The following ANO6 variants were observed in gnomAD, a reference collection of about 807,000 sequenced individuals.
The protein encoded by ANO6 is anoctamin 6.
In ANO6, 106 loss-of-function variants were observed where a neutral mutation model predicts 117.5. That is an observed-to-expected ratio of 0.90 (90% CI 0.77 to 1.06). ANO6 has a LOEUF of 1.06. Among genes scored for constraint, ANO6 ranks in the 50% least tolerant of loss-of-function variants. The pLI is 0.00. For missense variants in ANO6, 955 were observed against 1,121.1 expected, an observed-to-expected ratio of 0.85 and a Z score of 2.12; for synonymous variants, 367 against 385.1, an observed-to-expected ratio of 0.95 and a Z score of 0.55.
chr12:45,268,854 G>A (rs1938301360), intron 1 of ANO6, among the ~76,000 whole-genome samples: 1 of 152,196 alleles, frequency 6.6e-6, no homozygotes, highest in Non-Finnish European at 1.5e-5. Context: ...TTTAGCTAAG[G>A]AAAACAATTT....
intron 2 of ANO6, 104 bp from the exon 3 acceptor site, chr12:45,331,191 T>G: frequency 9.5e-7 from 1 of 1,049,250 alleles, no homozygotes; most frequent in East Asian, 2.6e-5. Flanking sequence ...AGTGGATGTA[T>G]TTCTCTTTCA....
chr12:45,370,000 T>A (rs1941782967), intron 9 of ANO6, among the ~76,000 whole-genome samples: 1 of 152,194 alleles, frequency 6.6e-6, no homozygotes, highest in Admixed American at 6.5e-5. Flanking sequence ...CCCCCAAAAT[T>A]CTAGTTGGTT....
At chr12:45,425,010 C>A (rs1029789135) in intron 19 of ANO6, among the ~76,000 whole-genome samples, 2 of 151,350 alleles carry the variant, frequency 1.3e-5, no homozygotes, top group African/African-American at 4.9e-5. Context: ...CCCTCAGTAA[C>A]CTCAAGGGTT....
At chr12:45,294,307 T>A (rs1939216577) in intron 1 of ANO6, among the ~76,000 whole-genome samples, 1 of 152,200 alleles carries the variant, frequency 6.6e-6, no homozygotes, top group African/African-American at 2.4e-5. Flanking sequence ...AGAATATTTA[T>A]TAATTTTCTA....
intron 1 of ANO6, among the ~76,000 whole-genome samples, chr12:45,259,938 A>T (rs1203815882): frequency 1.3e-5 from 2 of 152,188 alleles, no homozygotes; most frequent in Non-Finnish European, 2.9e-5. Flanking sequence ...TCATTCCTCC[A>T]TGGCGAGTAA....
chr12:45,274,344 G>T (rs1938481007), intron 1 of ANO6, among the ~76,000 whole-genome samples: 1 of 152,086 alleles, frequency 6.6e-6, no homozygotes, highest in Admixed American at 6.5e-5. Flanking sequence ...TTCTTGATTT[G>T]TTTCGTGAGT....
At chr12:45,347,296 A>G in intron 4 of ANO6, 1 of 553,584 alleles carries the variant, frequency 1.8e-6, no homozygotes. Context: ...TAGCCAACGA[A>G]TTTTACAATG....
chr12:45,310,464 G>T (rs1198180649), intron 2 of ANO6, among the ~76,000 whole-genome samples: 2 of 151,984 alleles, frequency 1.3e-5, no homozygotes, highest in Non-Finnish European at 2.9e-5. Context: ...GAGATTGATT[G>T]ATTTTTGAGT....
At chr12:45,410,242 G>A (rs1398902002) in intron 16 of ANO6, among the ~76,000 whole-genome samples, 3 of 152,136 alleles carry the variant, frequency 2.0e-5, no homozygotes, top group African/African-American at 7.2e-5. Flanking sequence ...GAATGGTCCC[G>A]GGATGCCCAC....
chr12:45,311,159 C>A (rs554205454), intron 2 of ANO6, among the ~76,000 whole-genome samples: 3 of 152,082 alleles, frequency 2.0e-5, no homozygotes, highest in African/African-American at 7.2e-5. Context: ...GCATGCTTAT[C>A]TGGGCAGTTA....
chr12:45,244,721 G>T (rs1947798675), intron 1 of ANO6, among the ~76,000 whole-genome samples: 1 of 152,142 alleles, frequency 6.6e-6, no homozygotes, highest in Admixed American at 6.5e-5. Context: ...GTCATCATCA[G>T]TTCCCATACT....
intron 10 of ANO6, chr12:45,383,081 T>TA: frequency 5.7e-6 from 1 of 175,912 alleles, no homozygotes; most frequent in Non-Finnish European, 1.2e-5. Flanking sequence ...CAAACCCTAC[T>TA]ACAGCTTTAT....
At chr12:45,244,218 G>A (rs965112730) in intron 1 of ANO6, among the ~76,000 whole-genome samples, 4 of 152,184 alleles carry the variant, frequency 2.6e-5, no homozygotes, top group African/African-American at 9.7e-5. Flanking sequence ...ATAAGTGAAA[G>A]TTTTCACAGT....
intron 1 of ANO6, among the ~76,000 whole-genome samples, chr12:45,254,878 A>T (rs569991973): frequency 6.6e-6 from 1 of 152,322 alleles, no homozygotes; most frequent in Non-Finnish European, 1.5e-5. Flanking sequence ...GTTTAATTGT[A>T]TACTTTTATT....
At chr12:45,261,251 G>A (rs1037950963) in intron 1 of ANO6, among the ~76,000 whole-genome samples, 2 of 152,210 alleles carry the variant, frequency 1.3e-5, no homozygotes, top group African/African-American at 4.8e-5. Context: ...GAGGGCTTCT[G>A]AGGAGTGAAA....
intron 10 of ANO6, among the ~76,000 whole-genome samples, chr12:45,384,386 G>A (rs1593045971): frequency 6.6e-6 from 1 of 152,244 alleles, no homozygotes; most frequent in Non-Finnish European, 1.5e-5. Context: ...CTTTTCCTTT[G>A]CACTCACAGC....
At chr12:45,392,995 T>G (rs746545430) in intron 12 of ANO6, among the ~76,000 whole-genome samples, 36 of 152,192 alleles carry the variant, frequency 2.4e-4, no homozygotes, top group Non-Finnish European at 4.9e-4. Flanking sequence ...AGAGAATGAC[T>G]TTGACAAGTT....
At chr12:45,397,768 A>G (rs56151528) in intron 12 of ANO6, among the ~76,000 whole-genome samples, 12,118 of 152,204 alleles carry the variant, frequency 0.08, 771 homozygotes, top group African/African-American at 0.17. Flanking sequence ...TCTCACTCAT[A>G]GGTGGGAATT....
At chr12:45,432,895 T>G (rs1449118293), downstream of ANO6, among the ~76,000 whole-genome samples, 1 of 152,184 alleles carries the variant, frequency 6.6e-6, no homozygotes, top group East Asian at 1.9e-4. Context: ...AGATCATATG[T>G]AAAAGCAGAA....
Sources: gnomAD v4.1 joint callset for allele counts (sites outside exome capture counted in the v4.1 genomes callset) on GRCh38, gnomAD v4.1.1 for gene constraint, MANE v1.5 for transcripts, NCBI Gene and HGNC (gene_info 2026-07-23, HGNC 2026-07-21) for gene names.